The following ULK4 variants were observed in gnomAD, a reference collection of about 807,000 sequenced individuals.
ULK4 encodes the protein unc-51 like kinase 4.
A neutral mutation model predicts 160.6 loss-of-function variants in ULK4; 133 were observed. The ratio of observed to expected loss-of-function variants is 0.83; its 90% CI spans 0.72 to 0.96. The LOEUF is 0.96. Among genes scored for constraint, ULK4 ranks in the 40% least tolerant of loss-of-function variants. The pLI, the probability that ULK4 is intolerant of heterozygous loss-of-function variation, is 0.00. For missense variants in ULK4, 1,580 were observed against 1,499.5 expected, an observed-to-expected ratio of 1.05 and a Z score of -0.89; for synonymous variants, 534 against 539.8, an observed-to-expected ratio of 0.99 and a Z score of 0.15.
chr3:41,560,493 G>T (rs78200673), intron 32 of ULK4, among the ~76,000 whole-genome samples: 13,925 of 152,238 alleles, frequency 0.091, 814 homozygotes, highest in Non-Finnish European at 0.12. Context: ...TCCTATCCAT[G>T]AACATGGAAT....
intron 32 of ULK4, among the ~76,000 whole-genome samples, chr3:41,521,621 C>G (rs569688779): frequency 1.3e-5 from 2 of 152,150 alleles, no homozygotes; most frequent in Non-Finnish European, 2.9e-5. Context: ...GAAATCTAAT[C>G]ACTTATCTTG....
chr3:41,559,008 T>C (rs962133711), intron 32 of ULK4, among the ~76,000 whole-genome samples: 15 of 133,390 alleles, frequency 1.1e-4, no homozygotes, highest in Non-Finnish European at 1.7e-4. Flanking sequence ...GTGTATCTCC[T>C]AATGCTATCC....
At chr3:41,477,021 G>A (rs977606610) in intron 32 of ULK4, among the ~76,000 whole-genome samples, 1 of 152,146 alleles carries the variant, frequency 6.6e-6, no homozygotes, top group Non-Finnish European at 1.5e-5. Context: ...ATGCATCTGG[G>A]ATAGTGTGCT....
At position 41,412,553 on chromosome 3, in the gene ULK4, A is replaced by ATTTTTTTTTTTTTTTTTTTTTTT. The variant is rs57224854; in HGVS notation, c.3493-14312_3493-14290dup. ...TAAAGGTCAATGGCAATGCAGTTGAATTTTTTTTTTTTTTTTTTTTTTTTT... is the reference window on the plus strand; with the variant it reads ...TAAAGGTCAATGGCAATGCAGTTGAATTTTTTTTTTTTTTTTTTTTTTTTTTTTTTTTTTTTTTTTTTTTTTTT... On this transcript the variant is annotated intron_variant, in intron 34 of 36. Transcript: ENST00000301831. Among the ~76,000 whole-genome samples the ATTTTTTTTTTTTTTTTTTTTTTT allele has an allele frequency of 7.3e-4, 73 of 100,428 alleles. 4 individuals are homozygous for ATTTTTTTTTTTTTTTTTTTTTTT. The highest frequency in any genetic ancestry group is 1.1e-3 in the Non-Finnish European group (58 of 50,728). The allele number at this position is 100,428 out of a possible 152,430, so 65.9% of individuals were successfully genotyped here.
chr3:41,640,521 A>T (rs920416607), intron 30 of ULK4, among the ~76,000 whole-genome samples: 2 of 152,208 alleles, frequency 1.3e-5, no homozygotes, highest in African/African-American at 2.4e-5. Flanking sequence ...AGAACTGAGG[A>T]GGTGACCAGA....
chr3:41,290,072 T>TC (rs2079533069), intron 35 of ULK4, among the ~76,000 whole-genome samples: 1 of 152,076 alleles, frequency 6.6e-6, no homozygotes, highest in South Asian at 2.1e-4. Context: ...ACGGAGTTCC[T>TC]CCATGTTGGT....
intron 21 of ULK4, among the ~76,000 whole-genome samples, chr3:41,783,669 C>T (rs1229701659): frequency 6.6e-6 from 1 of 152,114 alleles, no homozygotes; most frequent in Non-Finnish European, 1.5e-5. Flanking sequence ...CCACTGTGCC[C>T]AGCTTGAATT....
intron 31 of ULK4, among the ~76,000 whole-genome samples, chr3:41,603,666 T>G (rs184355120): frequency 3.9e-4 from 60 of 152,148 alleles, no homozygotes; most frequent in African/African-American, 1.4e-3. Flanking sequence ...ATTGTACCAG[T>G]GCAGATTTTC....
At chr3:41,616,279 C>A (rs1005521599) in intron 30 of ULK4, among the ~76,000 whole-genome samples, 4 of 152,140 alleles carry the variant, frequency 2.6e-5, no homozygotes, top group African/African-American at 9.7e-5. Flanking sequence ...AGAAAACAGC[C>A]TTGGTAAAAC....
At chr3:41,909,891 C>T (rs1698717277) in intron 11 of ULK4, among the ~76,000 whole-genome samples, 2 of 151,872 alleles carry the variant, frequency 1.3e-5, no homozygotes, top group South Asian at 4.1e-4. Context: ...TAAATATTTA[C>T]ATACTACTAA....
intron 32 of ULK4, among the ~76,000 whole-genome samples, chr3:41,466,145 A>G (rs1265684983): frequency 1.3e-5 from 2 of 152,156 alleles, no homozygotes; most frequent in African/African-American, 4.8e-5. Flanking sequence ...CTTCTGCTAT[A>G]ATAATGTGCA....
intron 35 of ULK4, among the ~76,000 whole-genome samples, chr3:41,367,392 T>C (rs2081273470): frequency 6.6e-6 from 1 of 152,148 alleles, no homozygotes; most frequent in South Asian, 2.1e-4. Flanking sequence ...GGACGGAAGG[T>C]TGAGAGTCTT....
intron 17 of ULK4, among the ~76,000 whole-genome samples, chr3:41,842,530 G>C (rs1484381341): frequency 1.3e-5 from 2 of 152,034 alleles, no homozygotes; most frequent in Admixed American, 6.6e-5. Flanking sequence ...ATTCTTGTGG[G>C]ATTGAGTGAG....
At position 41,389,169 on chromosome 3, in the gene ULK4, CTCTG is replaced by C. The variant is rs1438877089; in HGVS notation, c.3678+8906_3678+8909del. Among the ~76,000 whole-genome samples the C allele has an allele frequency of 1.3e-4, 20 of 151,302 alleles. No individual in the cohort carries two copies. In the East Asian group the frequency reaches 2.9e-3, roughly 22 times the overall value. On this transcript the variant is annotated intron_variant, in intron 35 of 36. Coordinates refer to ENST00000301831, the MANE Select transcript of ULK4 (RefSeq NM_017886.4). ...ATGGGAGTTCACTCATGATTTGGCT[CTCTG>C]TCTGTTATTGGTGTATAAGAATGCT...
At chr3:41,820,130 GA>G (rs1195864982) in intron 18 of ULK4, among the ~76,000 whole-genome samples, 1 of 151,952 alleles carries the variant, frequency 6.6e-6, no homozygotes, top group African/African-American at 2.4e-5. Context: ...ACAGAAAGAT[GA>G]AAAAAACTAA....
In ULK4 at chr3:41,642,221, G is replaced by C. The variant is rs531279375; in HGVS notation, c.3071+21386C>G. 4.6e-5 allele frequency among the ~76,000 whole-genome samples: 7 copies of C among 151,996 alleles called. No homozygotes were observed. The East Asian group carries it at 1.4e-3, about 29-fold the overall frequency. On this transcript the variant is annotated intron_variant, in intron 30 of 36. Coordinates refer to ENST00000301831, the MANE Select transcript of ULK4 (RefSeq NM_017886.4). ...TTTTTTTTAATACTTTAAGTTTTAG[G>C]GTACATGTGCACAACGTGCAGGTTT... is the stretch of plus-strand genomic sequence containing the variant.
chr3:41,360,605 GT>G (rs899440717), intron 35 of ULK4, among the ~76,000 whole-genome samples: 6 of 152,214 alleles, frequency 3.9e-5, no homozygotes, highest in African/African-American at 1.4e-4. Context: ...ATGAGATCAA[GT>G]CCTTTGCAGG....
At chr3:41,684,212 CCAGAAATCTGGCATGCGAGCAAAAGGTTA>C (rs1247279634) in intron 27 of ULK4, among the ~76,000 whole-genome samples, 3 of 152,178 alleles carry the variant, frequency 2.0e-5, no homozygotes, top group Non-Finnish European at 4.4e-5. Flanking sequence ...GAAAGGCAAC[CCAGAAATCTGGCATGCGAGCAAAAGGTTA>C]AGGATTTCTT....
At chr3:41,461,509 A>C (rs1025925110) in intron 33 of ULK4, among the ~76,000 whole-genome samples, 1 of 152,344 alleles carries the variant, frequency 6.6e-6, no homozygotes, top group East Asian at 1.9e-4. Context: ...GGTCAAGGCC[A>C]AAAGCAATAC....
Sources: allele counts gnomAD v4.1 joint callset (sites outside exome capture counted in the v4.1 genomes callset), GRCh38; gene constraint gnomAD v4.1.1; transcripts MANE v1.5; gene names NCBI Gene and HGNC (gene_info 2026-07-23, HGNC 2026-07-21).